Variants in OLA1 observed in about 807,000 individuals in gnomAD.
OLA1 encodes the protein obg-like ATPase 1.
In OLA1, 14 loss-of-function variants were observed where a neutral mutation model predicts 48.4. The ratio of observed to expected loss-of-function variants is 0.29; its 90% CI spans 0.19 to 0.45. The LOEUF (loss-of-function observed/expected upper bound fraction) is 0.45. Among genes scored for constraint, OLA1 ranks in the 20% least tolerant of loss-of-function variants. The probability of loss-of-function intolerance (pLI) is 1.00; values close to 1 mark genes in which losing one functional copy is unlikely to be tolerated. For missense variants in OLA1, 325 were observed against 467.1 expected (o/e 0.70, Z 2.80); for synonymous variants, 127 against 150.4 (o/e 0.84, Z 1.14).
chr2:174,203,952 G>A (rs533717316), intron 4 of OLA1, among the ~76,000 whole-genome samples: 1 of 151,660 alleles, frequency 6.6e-6, no homozygotes, highest in African/African-American at 2.4e-5. Flanking sequence ...GCACCACTGC[G>A]CCCAGCTAAT....
At chr2:174,148,010 G>A (rs1444562115) in intron 4 of OLA1, among the ~76,000 whole-genome samples, 2 of 152,122 alleles carry the variant, frequency 1.3e-5, no homozygotes, top group Non-Finnish European at 2.9e-5. Flanking sequence ...TCAGTAGACG[G>A]GGTTTTGCCA....
chr2:174,089,816 C>T (rs528646447), intron 7 of OLA1, among the ~76,000 whole-genome samples: 4 of 150,784 alleles, frequency 2.7e-5, no homozygotes, highest in South Asian at 2.1e-4. Flanking sequence ...GTGGGAGGAT[C>T]GCTTCAGCCC....
At chr2:174,117,390 C>T (rs1401885155) in intron 7 of OLA1, among the ~76,000 whole-genome samples, 1 of 152,166 alleles carries the variant, frequency 6.6e-6, no homozygotes, top group Non-Finnish European at 1.5e-5. Context: ...AAGACCATAG[C>T]ACTTGTATTT....
At chr2:174,195,173 A>G (rs1453887662) in intron 4 of OLA1, among the ~76,000 whole-genome samples, 2 of 152,164 alleles carry the variant, frequency 1.3e-5, no homozygotes, top group Non-Finnish European at 2.9e-5. Context: ...CCTACCATAA[A>G]TAACCATTTT....
chr2:174,150,706 T>C (rs1558978240), intron 4 of OLA1, among the ~76,000 whole-genome samples: 1 of 152,188 alleles, frequency 6.6e-6, no homozygotes, highest in African/African-American at 2.4e-5. Context: ...GGAGAAAGCC[T>C]CCTTATATAC....
intron 4 of OLA1, among the ~76,000 whole-genome samples, chr2:174,147,568 T>A (rs2105385596): frequency 6.6e-6 from 1 of 152,352 alleles, no homozygotes; most frequent in South Asian, 2.1e-4. Context: ...TAATTTCTTC[T>A]GTATTATTTC....
chr2:174,176,600 C>A (rs2105410344), intron 4 of OLA1, among the ~76,000 whole-genome samples: 1 of 152,178 alleles, frequency 6.6e-6, no homozygotes, highest in South Asian at 2.1e-4. Context: ...AGGGGCTTTT[C>A]TAAACTCCTT....
At chr2:174,243,920 G>A (rs1235769958) in intron 2 of OLA1, among the ~76,000 whole-genome samples, 5 of 152,066 alleles carry the variant, frequency 3.3e-5, no homozygotes, top group East Asian at 1.9e-4. Context: ...TTAGAGAACC[G>A]TCTCCCTCCC....
At chr2:174,095,338 T>G (rs945425783) in intron 7 of OLA1, among the ~76,000 whole-genome samples, 3 of 124,776 alleles carry the variant, frequency 2.4e-5, no homozygotes, top group Non-Finnish European at 3.6e-5. Flanking sequence ...TTTTTTTTTT[T>G]TTTTTTTTTT....
intron 7 of OLA1, among the ~76,000 whole-genome samples, chr2:174,112,286 T>C (rs987363883): frequency 6.6e-6 from 1 of 152,220 alleles, no homozygotes; most frequent in Non-Finnish European, 1.5e-5. Flanking sequence ...TGACTGGTTA[T>C]GTAACTTTGG....
intron 4 of OLA1, among the ~76,000 whole-genome samples, chr2:174,176,422 A>G (rs1687420054): frequency 6.6e-6 from 1 of 152,192 alleles, no homozygotes; most frequent in Non-Finnish European, 1.5e-5. Context: ...AAATAAAAAC[A>G]AAAGTTGATT....
chr2:174,177,874 A>G (rs1687453361), intron 4 of OLA1, among the ~76,000 whole-genome samples: 1 of 152,094 alleles, frequency 6.6e-6, no homozygotes, highest in Non-Finnish European at 1.5e-5. Context: ...TTTTTCAGAT[A>G]CAACCTAAAA....
intron 7 of OLA1, among the ~76,000 whole-genome samples, chr2:174,094,864 A>C (rs910035454): frequency 2.0e-5 from 3 of 152,164 alleles, no homozygotes; most frequent in Non-Finnish European, 4.4e-5. Flanking sequence ...GAGTTTGACT[A>C]CTTTAGAAAC....
At chr2:174,210,142 G>A (rs137933959) in intron 4 of OLA1, among the ~76,000 whole-genome samples, 2 of 152,214 alleles carry the variant, frequency 1.3e-5, no homozygotes, top group Non-Finnish European at 2.9e-5. Flanking sequence ...GGAGGCATAT[G>A]CTCCAAAACT....
intron 4 of OLA1, among the ~76,000 whole-genome samples, chr2:174,156,578 C>CTTTTTTTTT (rs5836451): frequency 1.3e-5 from 1 of 74,188 alleles, no homozygotes; most frequent in East Asian, 5.3e-4. Context: ...CTCCCACACT[C>CTTTTTTTTT]TTTTTTTTTT....
At chr2:174,140,041 G>T (rs1686408144) in intron 5 of OLA1, among the ~76,000 whole-genome samples, 2 of 152,074 alleles carry the variant, frequency 1.3e-5, no homozygotes, top group East Asian at 3.9e-4. Flanking sequence ...AATACAAATG[G>T]CATCCAAATC....
Position 174,091,869 on chromosome 2 carries a change from C to CAAAAAAAAAAAAAAAA in OLA1, c.729-9821_729-9806dup, listed in dbSNP as rs1174747360. Among the ~76,000 whole-genome samples the CAAAAAAAAAAAAAAAA allele has an allele frequency of 4.8e-4, 11 of 22,980 alleles. 1 individual carries two copies. Among genetic ancestry groups the CAAAAAAAAAAAAAAAA allele is most frequent in the Non-Finnish European group, 9.6e-4 (10 of 10,402 alleles). 15.1% of individuals were successfully genotyped at this position (22,980 alleles called of 152,430 possible). On this transcript the variant is annotated intron_variant, in intron 7 of 10. Transcript: ENST00000284719. The stretch of plus-strand genomic sequence containing the variant: ...CCTGGGAGACAGCGAGACTCTGCCT[C>CAAAAAAAAAAAAAAAA]AAAAAAAAAAAAAAAAAAAAAAAAA...
intron 2 of OLA1, among the ~76,000 whole-genome samples, chr2:174,242,327 G>A (rs965451037): frequency 6.6e-6 from 1 of 152,182 alleles, no homozygotes; most frequent in East Asian, 1.9e-4. Flanking sequence ...TCTTGCATGC[G>A]CAGTTCACAA....
intron 2 of OLA1, among the ~76,000 whole-genome samples, chr2:174,235,731 C>T (rs1291336985): frequency 2.6e-5 from 4 of 152,176 alleles, no homozygotes; most frequent in East Asian, 1.9e-4. Flanking sequence ...GGGAGCTGCA[C>T]AGAGAAAACG....
Sources: gnomAD v4.1 joint callset for allele counts (sites outside exome capture counted in the v4.1 genomes callset) on GRCh38, gnomAD v4.1.1 for gene constraint, MANE v1.5 for transcripts, NCBI Gene and HGNC (gene_info 2026-07-23, HGNC 2026-07-21) for gene names.